YTHDC2: variants seen among roughly 807,000 people sequenced by gnomAD.
YTHDC2 encodes YTH N6-methyladenosine RNA binding protein C2.
Under a neutral mutation model 174.9 loss-of-function variants are expected in YTHDC2, and 45 were observed. The ratio of observed to expected loss-of-function variants is 0.26; its 90% CI spans 0.20 to 0.33. YTHDC2 has a LOEUF of 0.33. YTHDC2 is among the 10% of genes least tolerant of loss of function. The probability of loss-of-function intolerance (pLI) is 1.00; values close to 1 mark genes in which losing one functional copy is unlikely to be tolerated. For synonymous variants in YTHDC2, 657 were observed against 574.5 expected, an observed-to-expected ratio of 1.14 and a Z score of -2.05; for missense variants, 1,650 against 1,723.7, an observed-to-expected ratio of 0.96 and a Z score of 0.76.
intron 26 of YTHDC2, among the ~76,000 whole-genome samples, chr5:113,584,964 T>TAAC (rs1778598067): frequency 6.6e-6 from 1 of 151,438 alleles, no homozygotes; most frequent in Non-Finnish European, 1.5e-5. Flanking sequence ...TCTTTTTTTA[T>TAAC]AGATGGGGAT....
chr5:113,544,647 A>G (rs145116627), intron 10 of YTHDC2, among the ~76,000 whole-genome samples: 4 of 152,114 alleles, frequency 2.6e-5, no homozygotes, highest in South Asian at 2.1e-4. Flanking sequence ...TATGCCTGAC[A>G]GACTTCTAGG....
chr5:113,559,416 T>G (rs963419883), intron 17 of YTHDC2, among the ~76,000 whole-genome samples: 1 of 152,080 alleles, frequency 6.6e-6, no homozygotes, highest in Admixed American at 6.5e-5. Context: ...AGAGCAAATA[T>G]CACATTTATG....
rs768895699 is a variant in YTHDC2, at chr5:113,541,126, C to A, written c.1359+10C>A. 4.3e-6 allele frequency: 7 copies of A among 1,613,660 alleles called. No individual in the cohort carries two copies. ...TGTCTTCAGTCAGCTGGTATGACCT[C>A]CCTGGTTTCCCACTCATATTTTGTG... On this transcript the variant is annotated intron_variant, in intron 9 of 29. Transcript: ENST00000161863.
chr5:113,534,660 A>C (rs1218667472), intron 6 of YTHDC2, among the ~76,000 whole-genome samples: 5 of 152,146 alleles, frequency 3.3e-5, no homozygotes, highest in African/African-American at 4.8e-5. Context: ...TAAAATAAGC[A>C]GGTAGTTTTA....
At chr5:113,589,861 CTGTCATCTCT>C (rs1778915890) in intron 26 of YTHDC2, among the ~76,000 whole-genome samples, 1 of 152,200 alleles carries the variant, frequency 6.6e-6, no homozygotes, top group Non-Finnish European at 1.5e-5. Flanking sequence ...TACATCAACT[CTGTCATCTCT>C]GAGACTGTTT....
intron 18 of YTHDC2, 63 bp downstream of exon 18, chr5:113,561,248 A>C: frequency 2.3e-6 from 3 of 1,286,846 alleles, no homozygotes; most frequent in East Asian, 2.5e-5. Context: ...GGCCATTTCA[A>C]CTTCTATGGA....
chr5:113,539,593 A>G (rs548260347), intron 8 of YTHDC2, among the ~76,000 whole-genome samples: 1 of 152,372 alleles, frequency 6.6e-6, no homozygotes, highest in Non-Finnish European at 1.5e-5. Context: ...ATGATGTTAC[A>G]GGATTTCATT....
intron 17 of YTHDC2, among the ~76,000 whole-genome samples, chr5:113,560,230 C>G (rs1776868426): frequency 6.6e-6 from 1 of 152,134 alleles, no homozygotes; most frequent in Non-Finnish European, 1.5e-5. Flanking sequence ...TCCCATTTTT[C>G]TTAGGGTAAT....
In YTHDC2 at chr5:113,554,470, G is replaced by A. The variant is rs184442426; in HGVS notation, c.2133+448G>A. On this transcript the variant is annotated intron_variant, in intron 16 of 29. Coordinates refer to ENST00000161863, the MANE Select transcript of YTHDC2 (RefSeq NM_022828.5). ...ATCTTTAGTGCCTCACCTATAGCAGGTGTTCAAAAGATACTCAGTTCAAGA... is the reference window on the plus strand; with the variant it reads ...ATCTTTAGTGCCTCACCTATAGCAGATGTTCAAAAGATACTCAGTTCAAGA... 3.3e-5 allele frequency among the ~76,000 whole-genome samples: 5 copies of A among 152,088 alleles called. No individual in the cohort carries two copies. In the East Asian group the frequency reaches 5.8e-4, roughly 18 times the overall value.
Position 113,563,481 on chromosome 5 carries a change from C to G in YTHDC2, c.2431C>G (p.Gln811Glu). 6.2e-7 allele frequency: 1 copy of G among 1,605,694 alleles called. No homozygotes were observed. Among genetic ancestry groups the G allele is most frequent in the Admixed American group, 1.7e-5 (1 of 59,374 alleles). Residue 811 changes from glutamine to glutamate, a missense_variant, in exon 19 of 30, where the codon CAA (glutamine) becomes GAA (glutamate). Gln to Glu is a conservative substitution (Grantham distance 29). Transcript: ENST00000161863. ...AGCTTTAATTGTAAGAAATGCTGTA[C>G]AAATGCTTAAGGTTGGTGTCTTCAT... ...PPALIVRNAVQMLKTIDAMDT... is the reference protein window; with the variant it reads ...PPALIVRNAVEMLKTIDAMDT...
In YTHDC2 at chr5:113,584,439, C is replaced by G; in HGVS notation, c.3785C>G (p.Pro1262Arg). The change falls in exon 26 of 30, where the codon CCA becomes CGA. Residue 1262 changes from proline to arginine, a missense_variant. Pro to Arg is a moderately radical substitution (Grantham distance 103). This residue lies in a region of YTHDC2 where 913 missense variants were observed against 940.4 expected (regional missense o/e 0.97). Transcript: ENST00000161863. Reference sequence around the variant, plus strand: ...AAATCTACAGACAGCAGTAGTTACCCAAGTCCTTGTGCTAGTCCTTCTCCT... The same window carrying G: ...AAATCTACAGACAGCAGTAGTTACCGAAGTCCTTGTGCTAGTCCTTCTCCT... ...SLKSTDSSSY[P>R]SPCASPSPPS... The G allele has an allele frequency of 6.2e-7, 1 of 1,613,436 alleles. No homozygotes were observed. Among genetic ancestry groups the G allele is most frequent in the Non-Finnish European group, 8.5e-7 (1 of 1,179,650 alleles).
chr5:113,587,612 A>C (rs1778766743), intron 26 of YTHDC2, among the ~76,000 whole-genome samples: 1 of 145,916 alleles, frequency 6.9e-6, no homozygotes, highest in South Asian at 2.1e-4. Context: ...ACATATTATT[A>C]TATATATATT....
chr5:113,574,354 G>C (rs184349167), intron 23 of YTHDC2, among the ~76,000 whole-genome samples: 1 of 152,248 alleles, frequency 6.6e-6, no homozygotes, highest in East Asian at 1.9e-4. Flanking sequence ...TGTCCTGGGG[G>C]TTATTGGCCT....
In YTHDC2 at chr5:113,514,099, G is replaced by T. The variant is rs1416742296; in HGVS notation, c.187+17G>T. 13 of 1,606,876 alleles carry T rather than the reference G, an allele frequency of 8.1e-6. No individual in the cohort carries two copies. ...ACCAGAGAGGTGAGGTTCCGGACAG[G>T]GACCATGCTGGCAGTCAGGATACCC... On this transcript the variant is annotated intron_variant, in intron 1 of 29. Transcript: ENST00000161863.
chr5:113,554,307 C>T (rs1447246718), intron 16 of YTHDC2, among the ~76,000 whole-genome samples: 2 of 152,020 alleles, frequency 1.3e-5, no homozygotes, highest in Admixed American at 1.3e-4. Context: ...TAGCTCTGCT[C>T]ACCAAATACT....
chr5:113,553,554 A>G (rs377081295), intron 13 of YTHDC2, 36 bp from the exon 14 acceptor site: 27 of 1,596,578 alleles, frequency 1.7e-5, no homozygotes, highest in Non-Finnish European at 2.0e-5. Flanking sequence ...CTGATTCACA[A>G]TGAGATTTAA....
chr5:113,592,048 G>T lies in YTHDC2; in HGVS notation c.4082G>T (p.Gly1361Val). 1 of 1,612,772 alleles carries T rather than the reference G, an allele frequency of 6.2e-7. No homozygotes were observed. Among genetic ancestry groups the T allele is most frequent in the Non-Finnish European group, 8.5e-7 (1 of 1,179,298 alleles). ...EIGREKSQDW[G>V]SAGLGGVFKV... The stretch of plus-strand genomic sequence containing the variant: ...GGAAGGGAAAAGAGTCAGGACTGGG[G>T]CTCTGCTGGACTAGGAGGAGTATTT... Residue 1361 changes from glycine (G) to valine (V), a missense_variant, in exon 28 of 30, where the codon GGC becomes GTC. Around this residue, in one of 5 missense-constraint regions of YTHDC2, gnomAD observed 913 missense variants for 940.4 expected, o/e 0.97. Coordinates refer to ENST00000161863, the MANE Select transcript of YTHDC2 (RefSeq NM_022828.5).
intron 6 of YTHDC2, 25 bp from the exon 7 acceptor site, chr5:113,535,617 A>T: frequency 6.4e-7 from 1 of 1,570,204 alleles, no homozygotes; most frequent in Non-Finnish European, 8.6e-7. Flanking sequence ...TAACTGTTCC[A>T]TGGTTTTATT....
At chr5:113,551,020 T>C (rs1776219742) in intron 12 of YTHDC2, among the ~76,000 whole-genome samples, 1 of 152,138 alleles carries the variant, frequency 6.6e-6, no homozygotes, top group Admixed American at 6.6e-5. Flanking sequence ...TTAAAATATC[T>C]GTTATTCAAG....
Sources: gnomAD v4.1 joint callset for allele counts (sites outside exome capture counted in the v4.1 genomes callset) on GRCh38, gnomAD v4.1.1 for gene constraint, gnomAD v4.1.1 regional missense constraint, MANE v1.5 for transcripts, NCBI Gene and HGNC (gene_info 2026-07-23, HGNC 2026-07-21) for gene names.